Variants in DIDO1 observed in about 807,000 individuals in gnomAD.
DIDO1 encodes the protein death inducer-obliterator 1.
Under a neutral mutation model 99.4 loss-of-function variants are expected in DIDO1, and 16 were observed. That is an observed-to-expected ratio of 0.16 (90% CI 0.11 to 0.24). The LOEUF is 0.24. Ranked by LOEUF, DIDO1 falls within the 10% of genes least tolerant of loss-of-function variation. DIDO1 has a pLI of 1.00. For missense variants in DIDO1, 2,996 were observed against 3,014.0 expected, an observed-to-expected ratio of 0.99 and a Z score of 0.14; for synonymous variants, 1,366 against 1,239.1, an observed-to-expected ratio of 1.10 and a Z score of -2.15.
At chr20:62,918,083 C>T (rs536563685) in intron 1 of DIDO1, among the ~76,000 whole-genome samples, 2 of 152,354 alleles carry the variant, frequency 1.3e-5, no homozygotes, top group East Asian at 3.9e-4. Flanking sequence ...TCTGTAACTA[C>T]CTGTTAATCT....
At chr20:62,900,346 G>C (rs945193413) in intron 6 of DIDO1, among the ~76,000 whole-genome samples, 2 of 152,248 alleles carry the variant, frequency 1.3e-5, no homozygotes, top group Non-Finnish European at 2.9e-5. Context: ...TCGTGCACAG[G>C]GATCAGCAGC....
At position 62,881,679 on chromosome 20, in the gene DIDO1, T is replaced by C. The variant is rs1224180072; in HGVS notation, c.4277A>G (p.Tyr1426Cys). 1.2e-6 allele frequency: 2 copies of C among 1,612,838 alleles called. No homozygotes were observed. The highest frequency in any genetic ancestry group is 1.7e-5 in the Admixed American group (1 of 60,030). Residue 1426 changes from tyrosine (Y) to cysteine (C), a missense_variant, in exon 16 of 16, where the codon TAT (tyrosine) becomes TGT (cysteine). Physicochemically the swap from Tyr to Cys is radical, Grantham distance 194. This residue lies in a region of DIDO1 where 1,562 missense variants were observed against 1,412.6 expected (regional missense o/e 1.11). Coordinates refer to ENST00000395343, the MANE Select transcript of DIDO1 (RefSeq NM_001193369.2). This position sits in a 1 kb window ranked among gnomAD's most constrained non-coding sequence, Gnocchi z 8.3. ...TAAGATGGTCTCATCCTCGGGGTCATAGGCCACCTCTTCCCGCTCGGCTGC... is the reference window on the plus strand; with the variant it reads ...TAAGATGGTCTCATCCTCGGGGTCACAGGCCACCTCTTCCCGCTCGGCTGC... ...AAAAEREEVA[Y>C]DPEDETILEE...
At chr20:62,907,125 C>T (rs780837022) in intron 5 of DIDO1, 22 bp downstream of exon 5, 22 of 1,612,442 alleles carry the variant, frequency 1.4e-5, no homozygotes, top group Non-Finnish European at 1.7e-5. Context: ...ACTGCCTGGG[C>T]GGCTGGTCCT....
In DIDO1 at chr20:62,894,847, G is replaced by C; in HGVS notation, c.2399C>G (p.Pro800Arg). ...CACTGGCGGAGAGTCCTCCAGATCG[G>C]GGATGGCCTCCTGCCTGGGGGCCGT... Reference protein sequence around the residue: ...KKTAPRQEAIPDLEDSPPVSD... With the variant: ...KKTAPRQEAIRDLEDSPPVSD... Residue 800 changes from proline to arginine, a missense_variant, in exon 10 of 16, where the codon CCC becomes CGC. Physicochemically the swap from Pro to Arg is moderately radical, Grantham distance 103. Transcript: ENST00000395343. The surrounding 1 kb of genome is among the most constrained non-coding windows in gnomAD (Gnocchi z 4.4). 1 of 1,614,112 alleles carries C rather than the reference G, an allele frequency of 6.2e-7. No individual in the cohort carries two copies. Among genetic ancestry groups the C allele is most frequent in the Non-Finnish European group, 8.5e-7 (1 of 1,180,018 alleles).
At chr20:62,919,851 T>C (rs1601023202) in intron 1 of DIDO1, among the ~76,000 whole-genome samples, 1 of 152,058 alleles carries the variant, frequency 6.6e-6, no homozygotes, top group South Asian at 2.1e-4. Flanking sequence ...GCAACTCAGG[T>C]GGGAAATTTC....
intron 6 of DIDO1, chr20:62,905,269 G>T: frequency 2.2e-6 from 3 of 1,359,336 alleles, no homozygotes; most frequent in Non-Finnish European, 2.8e-6. Flanking sequence ...TGGGGCCTAT[G>T]AAGCAGGAGT....
In DIDO1 at chr20:62,889,336, C is replaced by T. The variant is rs940899484; in HGVS notation, c.3541+1624G>A. 94 of 983,100 alleles carry T rather than the reference C, an allele frequency of 9.6e-5. 2 individuals are homozygous for T. Among genetic ancestry groups the T allele is most frequent in the Non-Finnish European group, 2.3e-5 (19 of 829,720 alleles). The allele number at this position is 983,100 out of a possible 1,614,324, so 60.9% of individuals were successfully genotyped here. A position where few individuals can be genotyped will look rare whatever the true frequency, so the allele number is the denominator to read the frequency against. ...CTGCCCAGTGTGGGGAACCCGGTGCCCGGCATGCGCCGGGGCTCGCTCAAC... is the reference window on the plus strand; with the variant it reads ...CTGCCCAGTGTGGGGAACCCGGTGCTCGGCATGCGCCGGGGCTCGCTCAAC... On this transcript the variant is annotated intron_variant, in intron 15 of 15. Coordinates refer to ENST00000395343, the MANE Select transcript of DIDO1 (RefSeq NM_001193369.2).
intron 1 of DIDO1, among the ~76,000 whole-genome samples, chr20:62,917,265 A>G (rs531436951): frequency 2.3e-4 from 35 of 152,196 alleles, no homozygotes; most frequent in African/African-American, 7.7e-4. Flanking sequence ...TCCTGGGATC[A>G]AGTGATCTAC....
chr20:62,929,692 A>AAAAATATATATAT, upstream of DIDO1, among the ~76,000 whole-genome samples: 6 of 63,710 alleles, frequency 9.4e-5, no homozygotes, highest in African/African-American at 4.6e-4. Flanking sequence ...AAAAAGAAAA[A>AAAAATATATATAT]GTGTATATAT....
intron 6 of DIDO1, among the ~76,000 whole-genome samples, chr20:62,901,803 T>G (rs2064688147): frequency 6.8e-6 from 1 of 147,750 alleles, no homozygotes; most frequent in Non-Finnish European, 1.5e-5. Flanking sequence ...TATGTGTATG[T>G]TGATGTGTTA....
rs184141943 is a variant in DIDO1 at position 62,933,081 on chromosome 20, G to C, written c.-200+4715C>G. ...TACAAAATTAGCCGGGCGTGGTGGCGCATGTCTGTAATCCCAGTTACTCAG... is the reference window on the plus strand; with the variant it reads ...TACAAAATTAGCCGGGCGTGGTGGCCCATGTCTGTAATCCCAGTTACTCAG... On this transcript the variant is annotated intron_variant, in intron 1 of 15. Coordinates refer to the DIDO1 transcript ENST00000266070. Among the ~76,000 whole-genome samples the C allele has an allele frequency of 2.0e-5, 3 of 152,310 alleles. No homozygotes were observed. The East Asian group carries it at 5.8e-4, about 29-fold the overall frequency.
chr20:62,886,979 C>T (rs979050540), intron 15 of DIDO1, among the ~76,000 whole-genome samples: 9 of 152,234 alleles, frequency 5.9e-5, no homozygotes, highest in African/African-American at 2.2e-4. Flanking sequence ...GCCACTGGGT[C>T]CAGCACGTCT....
chr20:62,880,646 A>T lies in DIDO1; in HGVS notation c.5310T>A (p.Asn1770Lys). 1 of 1,612,806 alleles carries T rather than the reference A, an allele frequency of 6.2e-7. No homozygotes were observed. Among genetic ancestry groups the T allele is most frequent in the South Asian group, 1.1e-5 (1 of 91,086 alleles). ...GGGCTGGCCCCCTTGGTCCCGGGAAATTGGGGCCGTGAAGCCCTGACATCC... is the reference window on the plus strand; with the variant it reads ...GGGCTGGCCCCCTTGGTCCCGGGAATTTGGGGCCGTGAAGCCCTGACATCC... Reference protein sequence around the residue: ...ALGMSGLHGPNFPGPRGPAPP... With the variant: ...ALGMSGLHGPKFPGPRGPAPP... Residue 1770 changes from asparagine (N) to lysine (K), a missense_variant, in exon 16 of 16, where the codon AAT becomes AAA. Asn to Lys is a moderately conservative substitution (Grantham distance 94). This residue lies in a region of DIDO1 where 1,562 missense variants were observed against 1,412.6 expected (regional missense o/e 1.11). Coordinates refer to ENST00000395343, the MANE Select transcript of DIDO1 (RefSeq NM_001193369.2).
chr20:62,881,661 G>A lies in DIDO1; in HGVS notation c.4295C>T (p.Thr1432Ile), dbSNP rs1373308307. Residue 1432 changes from threonine (T) to isoleucine (I), a missense_variant, in exon 16 of 16, where the codon ACC (threonine) becomes ATC (isoleucine). By Grantham distance (89) the Thr-to-Ile change is moderately conservative (BLOSUM62 -1). This residue lies in a region of DIDO1 where 1,562 missense variants were observed against 1,412.6 expected (regional missense o/e 1.11). Transcript: ENST00000395343. The surrounding 1 kb of genome is among the most constrained non-coding windows in gnomAD (Gnocchi z 8.3). Reference sequence around the variant, plus strand: ...AGTCACTTTCGCTTCTTCTAAGATGGTCTCATCCTCGGGGTCATAGGCCAC... The same window carrying A: ...AGTCACTTTCGCTTCTTCTAAGATGATCTCATCCTCGGGGTCATAGGCCAC... ...EEVAYDPEDE[T>I]ILEEAKVTVD... 3 of 1,612,688 alleles carry A rather than the reference G, an allele frequency of 1.9e-6. No homozygotes were observed. The highest frequency in any genetic ancestry group is 1.7e-5 in the Admixed American group (1 of 60,022).
Position 62,893,837 on chromosome 20 carries a change from G to C in DIDO1, c.2930C>G (p.Thr977Arg), listed in dbSNP as rs771568413. The change falls in exon 12 of 16, where the codon ACA (threonine) becomes AGA (arginine). Residue 977 changes from threonine (T) to arginine (R), a missense_variant. This residue lies in a region of DIDO1 where 898 missense variants were observed against 972.7 expected (regional missense o/e 0.92). Coordinates refer to ENST00000395343, the MANE Select transcript of DIDO1 (RefSeq NM_001193369.2). Reference protein sequence around the residue: ...DPRTAPSSSCTAVASAASRPD... With the variant: ...DPRTAPSSSCRAVASAASRPD... Reference sequence around the variant, plus strand: ...GCGGGATGCTGCGGAGGCCACGGCTGTGCATGAACTGCTTGGAGCGGTCCT... The same window carrying C: ...GCGGGATGCTGCGGAGGCCACGGCTCTGCATGAACTGCTTGGAGCGGTCCT... 12 of 1,613,968 alleles carry C rather than the reference G, an allele frequency of 7.4e-6. No homozygotes were observed. The highest frequency in any genetic ancestry group is 1.0e-5 in the Non-Finnish European group (12 of 1,180,044).
At position 62,879,732 on chromosome 20, in the gene DIDO1, C is replaced by A. The variant is rs1280526752; in HGVS notation, c.6224G>T (p.Gly2075Val). Residue 2075 changes from glycine (G) to valine (V), a missense_variant, in exon 16 of 16, where the codon GGC (glycine) becomes GTC (valine). Around this residue, in one of 5 missense-constraint regions of DIDO1, gnomAD observed 1,562 missense variants for 1,412.6 expected, o/e 1.11. Coordinates refer to ENST00000395343, the MANE Select transcript of DIDO1 (RefSeq NM_001193369.2). The surrounding 1 kb of genome is among the most constrained non-coding windows in gnomAD (Gnocchi z 6.3). ...GAAAGTCTGGTTTCTGTATTCGTGG[C>A]CTTTCCCCTCTCGGAAGTCGGCCGA... ...WASADFREGKGHEYRNQTFEG... is the reference protein window; with the variant it reads ...WASADFREGKVHEYRNQTFEG... 1 of 1,611,760 alleles carries A rather than the reference C, an allele frequency of 6.2e-7. No individual in the cohort carries two copies. Among genetic ancestry groups the A allele is most frequent in the Non-Finnish European group, 8.5e-7 (1 of 1,179,818 alleles).
Position 62,884,952 on chromosome 20 carries a change from G to C in DIDO1, c.3542-2538C>G, listed in dbSNP as rs117285272. 7.9e-3 allele frequency among the ~76,000 whole-genome samples: 1,207 copies of C among 152,342 alleles called. 9 individuals carry two copies. Among genetic ancestry groups the C allele is most frequent in the South Asian group, 0.028 (136 of 4,824 alleles). ...TGCTCAGCAAACCTGTCGAGTTCATGTTCTGCTTAACATGAGTTGAACATA... is the reference window on the plus strand; with the variant it reads ...TGCTCAGCAAACCTGTCGAGTTCATCTTCTGCTTAACATGAGTTGAACATA... On this transcript the variant is annotated intron_variant, in intron 15 of 15. Transcript: ENST00000395343.
At chr20:62,933,935 G>A (rs2065355815) in intron 1 of DIDO1, among the ~76,000 whole-genome samples, 1 of 152,232 alleles carries the variant, frequency 6.6e-6, no homozygotes, top group East Asian at 1.9e-4. Context: ...CTTTCAATAT[G>A]AAACAACTCA....
intron 6 of DIDO1, among the ~76,000 whole-genome samples, chr20:62,902,834 G>A (rs907651068): frequency 6.6e-6 from 1 of 152,236 alleles, no homozygotes; most frequent in Non-Finnish European, 1.5e-5. Context: ...TGTAGAATCT[G>A]CTTTGCAGTC....
Sources: allele counts gnomAD v4.1 joint callset (sites outside exome capture counted in the v4.1 genomes callset), GRCh38; gene constraint gnomAD v4.1.1; regional missense constraint gnomAD v4.1.1; non-coding constraint Gnocchi (gnomAD v3.1); transcripts MANE v1.5; gene names NCBI Gene and HGNC (gene_info 2026-07-23, HGNC 2026-07-21).